The following RNF150 variants were observed in gnomAD, a reference collection of about 807,000 sequenced individuals.
RNF150 encodes the protein ring finger protein 150.
Under a neutral mutation model 39.3 loss-of-function variants are expected in RNF150, and 24 were observed. That is an observed-to-expected ratio of 0.61 (90% confidence interval 0.44 to 0.86). The LOEUF (loss-of-function observed/expected upper bound fraction) is 0.86. RNF150 is among the 40% of genes least tolerant of loss of function. The pLI is 0.00. For missense variants in RNF150, 502 were observed against 587.8 expected (o/e 0.85, Z 1.51); for synonymous variants, 255 against 227.3 (o/e 1.12, Z -1.10).
At chr4:140,923,544 A>G (rs1326285695) in intron 5 of RNF150, among the ~76,000 whole-genome samples, 1 of 152,226 alleles carries the variant, frequency 6.6e-6, no homozygotes, top group Non-Finnish European at 1.5e-5. Flanking sequence ...TAGTTCAACC[A>G]TTGTGGAAGT....
chr4:141,206,831 T>C (rs1411182251), intron 1 of RNF150, among the ~76,000 whole-genome samples: 1 of 152,142 alleles, frequency 6.6e-6, no homozygotes, highest in Admixed American at 6.5e-5. Context: ...TAAGTGGTTC[T>C]GTTGGAGGCC....
chr4:141,160,790 C>T (rs1159837037), intron 1 of RNF150, among the ~76,000 whole-genome samples: 1 of 152,238 alleles, frequency 6.6e-6, no homozygotes, highest in South Asian at 2.1e-4. Context: ...CACCTTCTGC[C>T]GTGATTGAAA....
intron 1 of RNF150, among the ~76,000 whole-genome samples, chr4:141,065,554 A>AT (rs1250682634): frequency 2.1e-5 from 1 of 47,388 alleles, no homozygotes. Context: ...ATTTATTTGT[A>AT]ATTTTTTTTT....
intron 1 of RNF150, among the ~76,000 whole-genome samples, chr4:141,172,910 C>T (rs1727754074): frequency 6.6e-6 from 1 of 151,986 alleles, no homozygotes; most frequent in African/African-American, 2.4e-5. Context: ...CCTGTGATCC[C>T]AGCTACTAGG....
Position 140,911,264 on chromosome 4 carries a change from T to G in RNF150, c.1078A>C (p.Thr360Pro), listed in dbSNP as rs1461393091. Residue 360 changes from threonine to proline, a missense_variant, in exon 6 of 7, where the codon ACA (threonine) becomes CCA (proline). Transcript: ENST00000515673. ...GTGACTGAACTTTCATTCACTGTTG[T>G]GTCGCTGGCACCTGTGATCTGGTTG... ...PTNQITGASD[T>P]TVNESSVTLD... 1 of 1,614,036 alleles carries G rather than the reference T, an allele frequency of 6.2e-7. No homozygotes were observed. Among genetic ancestry groups the G allele is most frequent in the East Asian group, 2.2e-5 (1 of 44,874 alleles).
chr4:141,102,147 A>T (rs551442264), intron 1 of RNF150, among the ~76,000 whole-genome samples: 1 of 152,312 alleles, frequency 6.6e-6, no homozygotes, highest in Admixed American at 6.5e-5. Context: ...AAATGTCGTT[A>T]TGTGGCATAT....
intron 1 of RNF150, among the ~76,000 whole-genome samples, chr4:140,968,122 C>T (rs1347139298): frequency 6.6e-6 from 1 of 152,024 alleles, no homozygotes; most frequent in Non-Finnish European, 1.5e-5. Context: ...GATTTTAGTA[C>T]CAGTGAAGTC....
At chr4:141,122,261 C>G (rs28438876) in intron 1 of RNF150, among the ~76,000 whole-genome samples, 6,762 of 152,296 alleles carry the variant, frequency 0.044, 515 homozygotes, top group African/African-American at 0.15. Context: ...GTTTCACCAT[C>G]AGTAATCATG....
chr4:141,075,023 C>T (rs888459665), intron 1 of RNF150, among the ~76,000 whole-genome samples: 14 of 152,162 alleles, frequency 9.2e-5, no homozygotes, highest in African/African-American at 3.1e-4. Flanking sequence ...TATACTGTCC[C>T]GTGAGTTTTG....
At chr4:141,210,466 T>C (rs17350057) in intron 1 of RNF150, among the ~76,000 whole-genome samples, 30,940 of 149,088 alleles carry the variant, frequency 0.21, 3,532 homozygotes, top group South Asian at 0.32. Context: ...TTACATTTAA[T>C]GTGCTGGTTG....
chr4:141,081,259 TTC>T (rs1738138892), intron 1 of RNF150, among the ~76,000 whole-genome samples: 2 of 152,322 alleles, frequency 1.3e-5, no homozygotes, highest in African/African-American at 2.4e-5. Flanking sequence ...TAGGTAAATT[TTC>T]TGTTTCCCAT....
intron 1 of RNF150, among the ~76,000 whole-genome samples, chr4:141,012,801 A>AG (rs1485884152): frequency 6.7e-6 from 1 of 149,972 alleles, no homozygotes; most frequent in African/African-American, 2.5e-5. Context: ...AAAAAAAAAA[A>AG]AGGCATCCCC....
intron 4 of RNF150, among the ~76,000 whole-genome samples, chr4:140,928,625 C>A (rs1238585431): frequency 6.6e-6 from 1 of 152,182 alleles, no homozygotes; most frequent in East Asian, 1.9e-4. Flanking sequence ...CGGCTCACTG[C>A]AAGCTCCATC....
intron 1 of RNF150, among the ~76,000 whole-genome samples, chr4:141,108,819 T>C (rs1396013887): frequency 2.0e-5 from 3 of 152,224 alleles, no homozygotes; most frequent in Non-Finnish European, 4.4e-5. Flanking sequence ...TATTGACTTA[T>C]TTTCTTTCTA....
intron 1 of RNF150, among the ~76,000 whole-genome samples, chr4:141,069,803 C>A (rs1314813475): frequency 1.3e-5 from 2 of 152,146 alleles, no homozygotes; most frequent in East Asian, 3.9e-4. Context: ...CTGTATGTGT[C>A]GAGGAATGTA....
chr4:141,159,419 A>G (rs1166263612), intron 1 of RNF150, among the ~76,000 whole-genome samples: 1 of 152,186 alleles, frequency 6.6e-6, no homozygotes, highest in East Asian at 1.9e-4. Flanking sequence ...AAAAACTCTC[A>G]GCCATATGAG....
chr4:141,212,182 G>A (rs1427107567), intron 1 of RNF150, among the ~76,000 whole-genome samples: 2 of 152,140 alleles, frequency 1.3e-5, no homozygotes, highest in Non-Finnish European at 2.9e-5. Flanking sequence ...TAAATAGTAG[G>A]CTAAACCATG....
chr4:141,142,939 G>T (rs138258594), intron 1 of RNF150, among the ~76,000 whole-genome samples: 7 of 150,900 alleles, frequency 4.6e-5, no homozygotes, highest in Non-Finnish European at 1.0e-4. Context: ...GTGCAGTCTC[G>T]GCTCACTGCA....
intron 1 of RNF150, among the ~76,000 whole-genome samples, chr4:141,206,717 T>C (rs111658638): frequency 1.1e-3 from 163 of 152,118 alleles, no homozygotes; most frequent in African/African-American, 3.6e-3. Flanking sequence ...ACCAATAGGA[T>C]ATATGTATAT....
Sources: allele counts gnomAD v4.1 joint callset (sites outside exome capture counted in the v4.1 genomes callset), GRCh38; gene constraint gnomAD v4.1.1; transcripts MANE v1.5; gene names NCBI Gene and HGNC (gene_info 2026-07-23, HGNC 2026-07-21).